The following SLC2A13 variants were observed in gnomAD, a reference collection of about 807,000 sequenced individuals.
The protein encoded by SLC2A13 is proton myo-inositol cotransporter.
In SLC2A13, 32 loss-of-function variants were observed where a neutral mutation model predicts 64.4. That is an observed-to-expected ratio of 0.50 (90% CI 0.37 to 0.67). The LOEUF (loss-of-function observed/expected upper bound fraction) is 0.67. Ranked by LOEUF, SLC2A13 falls within the 30% of genes least tolerant of loss-of-function variation. The pLI is 0.00. For synonymous variants in SLC2A13, 338 were observed against 327.1 expected (o/e 1.03, Z -0.36); for missense variants, 743 against 829.2 (o/e 0.90, Z 1.28).
intron 4 of SLC2A13, among the ~76,000 whole-genome samples, chr12:39,911,282 G>A (rs937030977): frequency 6.6e-6 from 1 of 151,888 alleles, no homozygotes; most frequent in African/African-American, 2.4e-5. Context: ...TAATACCCAC[G>A]CTTTGCTTAA....
At chr12:39,788,871 G>A (rs964856969) in intron 7 of SLC2A13, among the ~76,000 whole-genome samples, 2 of 152,046 alleles carry the variant, frequency 1.3e-5, no homozygotes, top group African/African-American at 4.8e-5. Context: ...TCTACATGTA[G>A]CCATCTTATC....
chr12:39,979,604 G>A (rs1419463656), intron 3 of SLC2A13, among the ~76,000 whole-genome samples: 159 of 143,664 alleles, frequency 1.1e-3, no homozygotes, highest in Non-Finnish European at 1.9e-3. Context: ...GAAATGAAGC[G>A]AGAAGGGAAG....
At chr12:39,832,978 A>C (rs1223299400) in intron 6 of SLC2A13, among the ~76,000 whole-genome samples, 2 of 152,106 alleles carry the variant, frequency 1.3e-5, no homozygotes, top group East Asian at 3.9e-4. Flanking sequence ...CCTGATCTAG[A>C]TGGCTTTAGT....
chr12:39,766,123 C>A (rs1373861087), intron 7 of SLC2A13, among the ~76,000 whole-genome samples: 1 of 152,086 alleles, frequency 6.6e-6, no homozygotes, highest in Non-Finnish European at 1.5e-5. Flanking sequence ...TCACAACCAC[C>A]ACTTTGTTTA....
intron 7 of SLC2A13, among the ~76,000 whole-genome samples, chr12:39,780,709 T>C (rs192467754): frequency 1.3e-5 from 2 of 152,286 alleles, no homozygotes; most frequent in East Asian, 3.9e-4. Flanking sequence ...TACAAATGTA[T>C]TACAAGGAGA....
chr12:39,865,890 G>A (rs1261546875), intron 5 of SLC2A13, among the ~76,000 whole-genome samples: 1 of 152,064 alleles, frequency 6.6e-6, no homozygotes, highest in African/African-American at 2.4e-5. Flanking sequence ...GTAGAGGGTG[G>A]GAGAAAGGAG....
In SLC2A13 at chr12:40,078,600, T is replaced by C. The variant is rs1375434794; in HGVS notation, c.556+26653A>G. On this transcript the variant is annotated intron_variant, in intron 1 of 9. Coordinates refer to ENST00000280871, the MANE Select transcript of SLC2A13 (RefSeq NM_052885.4). ...CAGGGATATTAGCCTGAAGTTTTCA[T>C]CTTTTATTGTGTCTGCCATATTTTG... Among the ~76,000 whole-genome samples, 3 of 152,208 alleles carry C rather than the reference T, an allele frequency of 2.0e-5. No individual in the cohort carries two copies. The East Asian group carries it at 5.8e-4, about 29-fold the overall frequency.
In SLC2A13 at chr12:39,905,822, G is replaced by GAAAAA. The variant is rs10682990; in HGVS notation, c.1035-33866_1035-33862dup. 8.3e-3 allele frequency among the ~76,000 whole-genome samples: 1,211 copies of GAAAAA among 145,376 alleles called. 22 individuals are homozygous for GAAAAA. Among genetic ancestry groups the GAAAAA allele is most frequent in the African/African-American group, 0.018 (726 of 39,716 alleles). On this transcript the variant is annotated intron_variant, in intron 4 of 9. Coordinates refer to ENST00000280871, the MANE Select transcript of SLC2A13 (RefSeq NM_052885.4). ...TACTAGGCCTTTATTAAAATGCCCA[G>GAAAAA]AAAAAAAAAAAAACTACACTTCTAT...
At chr12:39,944,107 C>T (rs1462057122) in intron 4 of SLC2A13, among the ~76,000 whole-genome samples, 1 of 152,228 alleles carries the variant, frequency 6.6e-6, no homozygotes, top group Non-Finnish European at 1.5e-5. Flanking sequence ...TGGCCCAACG[C>T]TCATTCAGGA....
At chr12:39,911,180 T>C (rs759599911) in intron 4 of SLC2A13, among the ~76,000 whole-genome samples, 1 of 152,088 alleles carries the variant, frequency 6.6e-6, no homozygotes, top group East Asian at 1.9e-4. Flanking sequence ...GTGTTCCTGC[T>C]AGACACAGCA....
At position 39,995,647 on chromosome 12, in the gene SLC2A13, T is replaced by C. The variant is rs76677819; in HGVS notation, c.925+32654A>G. Among the ~76,000 whole-genome samples the C allele has an allele frequency of 7.5e-3, 1,141 of 152,338 alleles. 14 individuals are homozygous for C. The highest frequency in any genetic ancestry group is 0.026 in the African/African-American group (1,083 of 41,566). On this transcript the variant is annotated intron_variant, in intron 3 of 9. Transcript: ENST00000280871. ...TTGTTTTTGTCTTTTCCATACCAAA[T>C]GTAGCTTTGACATCTGATATGGTTT...
chr12:39,849,878 CTGT>C (rs1943420691), intron 6 of SLC2A13, among the ~76,000 whole-genome samples: 1 of 151,768 alleles, frequency 6.6e-6, no homozygotes, highest in Non-Finnish European at 1.5e-5. Context: ...TTTCAAAGCT[CTGT>C]TGTTGTTTTT....
chr12:39,759,646 A>G lies in SLC2A13; in HGVS notation c.*380T>C. 5.7e-6 allele frequency: 1 copy of G among 176,908 alleles called. No homozygotes were observed. 11.0% of individuals were successfully genotyped at this position (176,908 alleles called of 1,614,324 possible). A position where few individuals can be genotyped will look rare whatever the true frequency, so the allele number is the denominator to read the frequency against. ...CCATCTCCCAGAATCCTTTATAAAT[A>G]TATTATACATATGTAATTTGGCTAG... On this transcript the variant is annotated 3_prime_UTR_variant, in exon 10 of 10. Transcript: ENST00000280871.
intron 4 of SLC2A13, among the ~76,000 whole-genome samples, chr12:39,915,750 G>A (rs576823334): frequency 1.9e-4 from 29 of 151,792 alleles, no homozygotes; most frequent in African/African-American, 6.5e-4. Flanking sequence ...TGAGGCCATC[G>A]CTGATTTAAA....
intron 4 of SLC2A13, among the ~76,000 whole-genome samples, chr12:39,895,631 TATGTATATGCGTGTATACGTAC>T (rs1944755281): frequency 1.4e-5 from 2 of 141,436 alleles, no homozygotes; most frequent in Non-Finnish European, 3.1e-5. Flanking sequence ...CGTACACACA[TATGTATATGCGTGTATACGTAC>T]ACACATATGT....
At position 39,823,378 on chromosome 12, in the gene SLC2A13, G is replaced by A. The variant is rs571059848; in HGVS notation, c.1445+6725C>T. Among the ~76,000 whole-genome samples, 106 of 152,232 alleles carry A rather than the reference G, an allele frequency of 7.0e-4. 1 individual carries two copies. Among genetic ancestry groups the A allele is most frequent in the African/African-American group, 2.5e-3 (105 of 41,534 alleles). ...TACATGAGTACCTTAAGATACTGATGTGGTTTGTCAATGATAAAATAAATT... is the reference window on the plus strand; with the variant it reads ...TACATGAGTACCTTAAGATACTGATATGGTTTGTCAATGATAAAATAAATT... On this transcript the variant is annotated intron_variant, in intron 7 of 9. Transcript: ENST00000280871.
chr12:40,071,078 C>A (rs1444762986), intron 1 of SLC2A13, among the ~76,000 whole-genome samples: 4 of 152,132 alleles, frequency 2.6e-5, no homozygotes, highest in Non-Finnish European at 4.4e-5. Flanking sequence ...GCTAAACCAG[C>A]AGAAGTTTTG....
chr12:39,889,863 T>C (rs932115786), intron 4 of SLC2A13, among the ~76,000 whole-genome samples: 24 of 152,308 alleles, frequency 1.6e-4, no homozygotes, highest in African/African-American at 5.5e-4. Flanking sequence ...ATCTCATTTG[T>C]TGTTTTTATT....
chr12:39,968,806 A>ATATC (rs1565567393), intron 3 of SLC2A13, among the ~76,000 whole-genome samples: 14 of 105,626 alleles, frequency 1.3e-4, no homozygotes, highest in Non-Finnish European at 2.7e-4. Flanking sequence ...ATATATATAT[A>ATATC]TCTACATTAT....
Sources: allele counts gnomAD v4.1 joint callset (sites outside exome capture counted in the v4.1 genomes callset), GRCh38; gene constraint gnomAD v4.1.1; transcripts MANE v1.5; gene names NCBI Gene and HGNC (gene_info 2026-07-23, HGNC 2026-07-21).